SCOC: variants seen among roughly 807,000 people sequenced by gnomAD.
SCOC encodes short coiled-coil protein.
In SCOC, 7 loss-of-function variants were observed where a neutral mutation model predicts 9.9. The observed-to-expected ratio is 0.71, with a 90% CI of 0.40 to 1.33. The LOEUF (loss-of-function observed/expected upper bound fraction) is 1.33. SCOC is among the 40% of genes most tolerant of loss of function. The probability of loss-of-function intolerance (pLI) is 0.01; values close to 1 mark genes in which losing one functional copy is unlikely to be tolerated. For synonymous variants in SCOC, 19 were observed against 28.2 expected (o/e 0.67, Z 1.03); for missense variants, 66 against 89.7 (o/e 0.74, Z 1.07).
intron 2 of SCOC, chr4:140,366,183 CTTTTT>C (rs869298297): frequency 1.1e-4 from 1 of 9,460 alleles, no homozygotes; most frequent in Non-Finnish European, 1.8e-4. Flanking sequence ...TTCTTTCTTT[CTTTTT>C]TTTTTTTTTT....
chr4:140,371,320 T>G (rs537310609), upstream of SCOC, among the ~76,000 whole-genome samples: 1 of 152,372 alleles, frequency 6.6e-6, no homozygotes, highest in African/African-American at 2.4e-5. Flanking sequence ...CATCTTTCCT[T>G]AATGAATCGT....
chr4:140,330,112 T>G (rs1024725841), intron 1 of SCOC, among the ~76,000 whole-genome samples: 1 of 152,160 alleles, frequency 6.6e-6, no homozygotes, highest in Non-Finnish European at 1.5e-5. Flanking sequence ...ATATATACCA[T>G]TTACTCAGTC....
chr4:140,339,893 C>T (rs570205620), upstream of SCOC, among the ~76,000 whole-genome samples: 12 of 152,292 alleles, frequency 7.9e-5, no homozygotes, highest in South Asian at 2.1e-4. Context: ...GACAGTGTGG[C>T]GATTCCTCAG....
chr4:140,373,600 T>C, upstream of SCOC: 14 of 1,551,714 alleles, frequency 9.0e-6, no homozygotes, highest in Non-Finnish European at 1.2e-5. Flanking sequence ...GATGGGATTC[T>C]TCTCACGGCG....
intron 1 of SCOC, among the ~76,000 whole-genome samples, chr4:140,331,952 A>T (rs1732825602): frequency 6.6e-6 from 1 of 152,118 alleles, no homozygotes; most frequent in African/African-American, 2.4e-5. Context: ...AGCCTCAGGG[A>T]GCTTTTACTC....
chr4:140,261,983 G>A (rs1730642680), intron 1 of SCOC, among the ~76,000 whole-genome samples: 1 of 152,212 alleles, frequency 6.6e-6, no homozygotes, highest in African/African-American at 2.4e-5. Flanking sequence ...CAAGAGAGGT[G>A]TCTCAGATAT....
intron 1 of SCOC, among the ~76,000 whole-genome samples, chr4:140,303,427 G>A (rs1731870663): frequency 6.6e-6 from 1 of 152,178 alleles, no homozygotes; most frequent in Non-Finnish European, 1.5e-5. Context: ...TGGCCCTGCT[G>A]CCAACCTTGC....
At chr4:140,364,537 G>T (rs1177260164) in intron 2 of SCOC, among the ~76,000 whole-genome samples, 1 of 152,160 alleles carries the variant, frequency 6.6e-6, no homozygotes, top group African/African-American at 2.4e-5. Flanking sequence ...ATTTAAGGCA[G>T]GAAGGGATAG....
intron 1 of SCOC, chr4:140,291,332 T>A (rs937328597): frequency 4.5e-6 from 2 of 445,848 alleles, no homozygotes; most frequent in Non-Finnish European, 4.5e-6. Context: ...AGAGATTATA[T>A]CCTGGAGTCC....
At chr4:140,309,416 G>A (rs1191234867) in intron 1 of SCOC, among the ~76,000 whole-genome samples, 2 of 152,192 alleles carry the variant, frequency 1.3e-5, no homozygotes, top group African/African-American at 4.8e-5. Context: ...TGCTGGAGAA[G>A]TGGCTGCACT....
At chr4:140,260,805 A>C (rs1730614242) in intron 1 of SCOC, among the ~76,000 whole-genome samples, 1 of 152,248 alleles carries the variant, frequency 6.6e-6, no homozygotes, top group Non-Finnish European at 1.5e-5. Flanking sequence ...GGTGGTCTGT[A>C]AAACACACTG....
At chr4:140,287,709 A>T (rs767883108) in intron 1 of SCOC, among the ~76,000 whole-genome samples, 1 of 152,102 alleles carries the variant, frequency 6.6e-6, no homozygotes, top group Non-Finnish European at 1.5e-5. Flanking sequence ...ACATGGACAC[A>T]CGTGCATATC....
chr4:140,305,062 A>C (rs1325198536), intron 1 of SCOC, among the ~76,000 whole-genome samples: 1 of 152,258 alleles, frequency 6.6e-6, no homozygotes, highest in Admixed American at 6.5e-5. Flanking sequence ...AGATGCCATC[A>C]GCAAGAATCC....
rs573270108 is a variant in SCOC, at chr4:140,358,393, G to A, written c.70+14685G>A. Among the ~76,000 whole-genome samples, 8 of 152,220 alleles carry A rather than the reference G, an allele frequency of 5.3e-5. No homozygotes were observed. The South Asian group carries it at 6.2e-4, about 12-fold the overall frequency. ...ATGGAGTATTTTTCTTAGAAACACT[G>A]AGTAATGACTAAGTTTCCAAGCTCT... On this transcript the variant is annotated intron_variant, in intron 2 of 4. Coordinates refer to the SCOC transcript ENST00000338517.
At chr4:140,258,622 A>G (rs780260826) in intron 1 of SCOC, among the ~76,000 whole-genome samples, 6 of 152,200 alleles carry the variant, frequency 3.9e-5, no homozygotes, top group Non-Finnish European at 7.3e-5. Flanking sequence ...CATTCATTGT[A>G]GAAGCTGAAG....
At chr4:140,357,778 T>C (rs1041312772) in intron 2 of SCOC, among the ~76,000 whole-genome samples, 1 of 152,188 alleles carries the variant, frequency 6.6e-6, no homozygotes, top group African/African-American at 2.4e-5. Flanking sequence ...TATACTACTT[T>C]TCCTAACCCA....
upstream of SCOC, among the ~76,000 whole-genome samples, chr4:140,338,642 C>T (rs1237961446): frequency 2.1e-4 from 31 of 149,842 alleles, no homozygotes; most frequent in Middle Eastern, 3.4e-3. Context: ...ACAAGCATTC[C>T]TATACACCAA....
rs1239192810 is a variant in SCOC at position 140,381,112 on chromosome 4, A to T, written c.*8A>T. 1.3e-6 allele frequency: 2 copies of T among 1,583,778 alleles called. No individual in the cohort carries two copies. Among genetic ancestry groups the T allele is most frequent in the South Asian group, 2.4e-5 (2 of 84,442 alleles). On this transcript the variant is annotated 3_prime_UTR_variant, in exon 4 of 4. Coordinates refer to ENST00000608372, the MANE Select transcript of SCOC (RefSeq NM_001153484.2). ...AAAAGCAAAAGAAAGTAAGGGATTG[A>T]CACCCTTCTGTTTTATGGAATTGCT...
At chr4:140,356,250 T>A (rs974230095) in intron 2 of SCOC, among the ~76,000 whole-genome samples, 1 of 152,206 alleles carries the variant, frequency 6.6e-6, no homozygotes. Context: ...TAAAGAAGAT[T>A]CTGTTTTGTT....
Sources: gnomAD v4.1 joint callset for allele counts (sites outside exome capture counted in the v4.1 genomes callset) on GRCh38, gnomAD v4.1.1 for gene constraint, MANE v1.5 for transcripts, NCBI Gene and HGNC (gene_info 2026-07-23, HGNC 2026-07-21) for gene names.